The following PDK1 variants were observed in gnomAD, a reference collection of about 807,000 sequenced individuals.
The protein encoded by PDK1 is [Pyruvate dehydrogenase (acetyl-transferring)] kinase isozyme 1, mitochondrial.
PDK1 carries 39 observed loss-of-function variants against 54.2 expected under a neutral mutation model. The ratio of observed to expected loss-of-function variants is 0.72; its 90% CI spans 0.56 to 0.94. PDK1 has a LOEUF of 0.94. PDK1 is among the 40% of genes least tolerant of loss of function. PDK1 has a pLI of 0.00. For missense variants in PDK1, 552 were observed against 566.0 expected, an observed-to-expected ratio of 0.98 and a Z score of 0.25; for synonymous variants, 221 against 207.1, an observed-to-expected ratio of 1.07 and a Z score of -0.58.
the PDK1 span, among the ~76,000 whole-genome samples, chr2:172,640,951 C>G: frequency 1.5e-5 from 2 of 132,368 alleles, no homozygotes; most frequent in East Asian, 5.1e-4. Flanking sequence ...CCCTTCTTTT[C>G]TCTTTCTCTG....
intron 9 of PDK1, among the ~76,000 whole-genome samples, chr2:172,590,895 G>C (rs1010639865): frequency 9.9e-5 from 15 of 152,084 alleles, no homozygotes; most frequent in African/African-American, 3.6e-4. Flanking sequence ...ACCCGACCCA[G>C]AAGCCCAACT....
Position 172,559,609 on chromosome 2 carries a change from A to G in PDK1, c.338+760A>G, listed in dbSNP as rs143004280. Among the ~76,000 whole-genome samples the G allele has an allele frequency of 5.0e-3, 754 of 152,124 alleles. 17 individuals carry two copies. The highest frequency in any genetic ancestry group is 0.038 in the East Asian group (197 of 5,140). On this transcript the variant is annotated intron_variant, in intron 2 of 10. Transcript: ENST00000282077. ...GTTGCCCAGGCTGGAGTGCAATGGC[A>G]TGATCTTGGCTCACTGCAACCTCTG...
At chr2:172,591,238 C>T (rs1398935777) in intron 9 of PDK1, among the ~76,000 whole-genome samples, 1 of 152,124 alleles carries the variant, frequency 6.6e-6, no homozygotes, top group African/African-American at 2.4e-5. Flanking sequence ...TGTCACAGGA[C>T]CTAGAAAGGG....
At chr2:172,710,884 T>C in the PDK1 span, among the ~76,000 whole-genome samples, 3 of 152,224 alleles carry the variant, frequency 2.0e-5, no homozygotes, top group Non-Finnish European at 1.5e-5. Context: ...TGGAGAAGGC[T>C]CTCATGCCAC....
chr2:172,615,693 A>G, the PDK1 span, among the ~76,000 whole-genome samples: 1 of 152,236 alleles, frequency 6.6e-6, no homozygotes, highest in Non-Finnish European at 1.5e-5. Context: ...CTTATGCAAA[A>G]TCATCTTTAC....
At chr2:172,713,635 C>T in the PDK1 span, among the ~76,000 whole-genome samples, 1 of 152,210 alleles carries the variant, frequency 6.6e-6, no homozygotes, top group Non-Finnish European at 1.5e-5. Context: ...GAAATTGGAG[C>T]GGGTGCTGGG....
intron 8 of PDK1, among the ~76,000 whole-genome samples, chr2:172,579,334 A>G (rs1689752991): frequency 6.6e-6 from 1 of 151,864 alleles, no homozygotes; most frequent in African/African-American, 2.4e-5. Context: ...TGCTGGTTTC[A>G]CTCTGATTGC....
At chr2:172,594,169 C>G (rs1432883860) in intron 10 of PDK1, among the ~76,000 whole-genome samples, 1 of 151,688 alleles carries the variant, frequency 6.6e-6, no homozygotes, top group Non-Finnish European at 1.5e-5. Context: ...TTCCGAATAG[C>G]TGGGATTACA....
chr2:172,646,976 A>G, the PDK1 span, among the ~76,000 whole-genome samples: 1 of 151,918 alleles, frequency 6.6e-6, no homozygotes. Context: ...ACCTCAGGTG[A>G]TCCACCCGCC....
the PDK1 span, among the ~76,000 whole-genome samples, chr2:172,714,297 T>C: frequency 1.3e-5 from 2 of 152,110 alleles, no homozygotes; most frequent in Non-Finnish European, 2.9e-5. Flanking sequence ...ACCAGAACAG[T>C]TTTATATGCT....
rs1343189748 is a variant in PDK1, at chr2:172,607,757, GGCAGCAGGGGAAGGAAAA to G, written c.*11790_*11807del. 6.5e-6 allele frequency: 1 copy of G among 153,052 alleles called. No homozygotes were observed. The highest frequency in any genetic ancestry group is 1.5e-5 in the Non-Finnish European group (1 of 68,736). 9.5% of individuals were successfully genotyped at this position (153,052 alleles called of 1,614,324 possible). ...AGCAGCAAGGATGCAAGGACCAGAA[GGCAGCAGGGGAAGGAAAA>G]GGAGCAGGGGATAGGGGAACTTTAG... On this transcript the variant is annotated 3_prime_UTR_variant, in exon 11 of 11. Transcript: ENST00000282077.
At chr2:172,677,560 G>C in the PDK1 span, 2 of 152,180 alleles carry the variant, frequency 1.3e-5, no homozygotes, top group Non-Finnish European at 2.9e-5. Flanking sequence ...TGCAGCCAGA[G>C]GAAGAGGGCT....
At chr2:172,676,059 T>A in the PDK1 span, among the ~76,000 whole-genome samples, 1 of 152,094 alleles carries the variant, frequency 6.6e-6, no homozygotes, top group Non-Finnish European at 1.5e-5. Flanking sequence ...GTTAACTGAA[T>A]ATTTTAAGCC....
At chr2:172,648,216 G>A in the PDK1 span, among the ~76,000 whole-genome samples, 8 of 152,060 alleles carry the variant, frequency 5.3e-5, no homozygotes, top group Non-Finnish European at 1.2e-4. Context: ...TATTGTAACA[G>A]TGTTAATTTC....
the PDK1 span, among the ~76,000 whole-genome samples, chr2:172,658,817 T>C: frequency 6.6e-6 from 1 of 152,138 alleles, no homozygotes; most frequent in African/African-American, 2.4e-5. Flanking sequence ...CCCTGGTAAA[T>C]TTGAGGTCAG....
the PDK1 span, among the ~76,000 whole-genome samples, chr2:172,631,526 C>T: frequency 2.5e-5 from 2 of 80,164 alleles, no homozygotes; most frequent in African/African-American, 7.5e-5. Context: ...CAGACCCTTG[C>T]AGCAGAGGTT....
the PDK1 span, among the ~76,000 whole-genome samples, chr2:172,701,975 T>G: frequency 6.6e-6 from 1 of 152,190 alleles, no homozygotes. Context: ...ATGTTACTAT[T>G]TCTTCTTAAT....
At chr2:172,653,591 G>A in the PDK1 span, among the ~76,000 whole-genome samples, 2 of 143,728 alleles carry the variant, frequency 1.4e-5, no homozygotes, top group South Asian at 4.6e-4. Context: ...CGACAAGAGC[G>A]AGACTCCATC....
At chr2:172,668,902 T>TAGAGAGAGAGAGAG in the PDK1 span, among the ~76,000 whole-genome samples, 1 of 89,716 alleles carries the variant, frequency 1.1e-5, no homozygotes, top group African/African-American at 4.2e-5. Context: ...CACATATATA[T>TAGAGAGAGAGAGAG]ATATAGAGAG....
Sources: gnomAD v4.1 joint callset for allele counts (sites outside exome capture counted in the v4.1 genomes callset) on GRCh38, gnomAD v4.1.1 for gene constraint, MANE v1.5 for transcripts, NCBI Gene and HGNC (gene_info 2026-07-23, HGNC 2026-07-21) for gene names.